CYSTM1: variants seen among roughly 807,000 people sequenced by gnomAD.
CYSTM1 encodes cysteine rich transmembrane module containing 1.
A neutral mutation model predicts 13.1 loss-of-function variants in CYSTM1; 4 were observed. That is an observed-to-expected ratio of 0.31 (90% CI 0.15 to 0.70). CYSTM1 has a LOEUF of 0.70. CYSTM1 is among the 30% of genes least tolerant of loss of function. The pLI is 0.72. For synonymous variants in CYSTM1, 36 were observed against 42.7 expected (o/e 0.84, Z 0.62); for missense variants, 96 against 121.6 (o/e 0.79, Z 0.99).
intron 1 of CYSTM1, among the ~76,000 whole-genome samples, chr5:140,177,207 G>A (rs112366189): frequency 2.0e-5 from 3 of 152,260 alleles, no homozygotes; most frequent in Non-Finnish European, 2.9e-5. Flanking sequence ...ATATGAAGAG[G>A]AATGCTTTGG....
Position 140,212,983 on chromosome 5 carries a change from G to GTGTATATATA in CYSTM1, c.187+18332_187+18333insGTATATATAT, listed in dbSNP as rs1405430820. Among the ~76,000 whole-genome samples the GTGTATATATA allele has an allele frequency of 1.3e-3, 145 of 114,300 alleles. 7 individuals are homozygous for GTGTATATATA. Among genetic ancestry groups the GTGTATATATA allele is most frequent in the African/African-American group, 3.3e-3 (108 of 32,306 alleles). The allele number at this position is 114,300 out of a possible 152,430, so 75.0% of individuals were successfully genotyped here. Reference sequence around the variant, plus strand: ...ACTCTGTCTCAAAAACAAAACAAAAGTATATATATATATATATATATATAT... The same window carrying GTGTATATATA: ...ACTCTGTCTCAAAAACAAAACAAAAGTGTATATATATATATATATATATATATATATATAT... On this transcript the variant is annotated intron_variant, in intron 2 of 2. Transcript: ENST00000261811.
chr5:140,217,847 C>T (rs1450868931), intron 2 of CYSTM1, among the ~76,000 whole-genome samples: 1 of 152,156 alleles, frequency 6.6e-6, no homozygotes, highest in African/African-American at 2.4e-5. Context: ...ATTTAGTGTG[C>T]CAGGCCTACT....
chr5:140,182,953 G>C (rs995010321), intron 1 of CYSTM1, among the ~76,000 whole-genome samples: 1 of 152,194 alleles, frequency 6.6e-6, no homozygotes, highest in African/African-American at 2.4e-5. Flanking sequence ...TGCTCCCTCA[G>C]AGGGTCAGGA....
chr5:140,226,579 CTAAA>C (rs1398428337), intron 2 of CYSTM1, among the ~76,000 whole-genome samples: 1 of 65,572 alleles, frequency 1.5e-5, no homozygotes, highest in Non-Finnish European at 3.0e-5. Flanking sequence ...ATATTATATA[CTAAA>C]TATTATATAT....
At chr5:140,188,792 A>AAG in intron 1 of CYSTM1, among the ~76,000 whole-genome samples, 1 of 152,018 alleles carries the variant, frequency 6.6e-6, no homozygotes, top group South Asian at 2.1e-4. Context: ...AAAAAAAAAA[A>AAG]AAAAGAAATA....
intron 1 of CYSTM1, among the ~76,000 whole-genome samples, chr5:140,180,570 T>C (rs1763950922): frequency 1.3e-5 from 2 of 152,352 alleles, no homozygotes; most frequent in South Asian, 4.1e-4. Flanking sequence ...CACACCATTT[T>C]GGGCACTACA....
chr5:140,187,315 A>C (rs1435729406), intron 1 of CYSTM1, among the ~76,000 whole-genome samples: 2 of 151,808 alleles, frequency 1.3e-5, no homozygotes, highest in Admixed American at 1.3e-4. Flanking sequence ...AAAAAAAAAA[A>C]AGACACCGAG....
intron 2 of CYSTM1, among the ~76,000 whole-genome samples, chr5:140,217,504 T>C (rs968570922): frequency 6.6e-6 from 1 of 152,136 alleles, no homozygotes; most frequent in Non-Finnish European, 1.5e-5. Flanking sequence ...AAGCTCCCTC[T>C]GCTTGCTTGA....
At chr5:140,192,411 T>C (rs997550969) in intron 1 of CYSTM1, among the ~76,000 whole-genome samples, 4 of 152,224 alleles carry the variant, frequency 2.6e-5, no homozygotes, top group African/African-American at 9.6e-5. Flanking sequence ...TACCTTACCT[T>C]ACCATTGGTT....
rs151095858 is a variant in CYSTM1, at chr5:140,207,166, C to T, written c.187+12514C>T. Among the ~76,000 whole-genome samples the T allele has an allele frequency of 5.9e-5, 9 of 152,222 alleles. No individual in the cohort carries two copies. In the East Asian group the frequency reaches 9.7e-4, roughly 16 times the overall value. On this transcript the variant is annotated intron_variant, in intron 2 of 2. Coordinates refer to ENST00000261811, the MANE Select transcript of CYSTM1 (RefSeq NM_032412.4). ...TTCTGACCCAGCAAGTGGGTCTGGA[C>T]ACATATATACCTTTTGCTATGAGAA...
intron 2 of CYSTM1, among the ~76,000 whole-genome samples, chr5:140,204,777 G>A (rs1764278020): frequency 6.6e-6 from 1 of 151,800 alleles, no homozygotes; most frequent in South Asian, 2.1e-4. Context: ...CTGAGCGCGT[G>A]TGTGTGTGTA....
chr5:140,240,171 C>CA (rs1764730537), intron 2 of CYSTM1, among the ~76,000 whole-genome samples: 1 of 141,034 alleles, frequency 7.1e-6, no homozygotes, highest in African/African-American at 2.7e-5. Context: ...ACCATCCCAG[C>CA]ACCCCCCCAC....
chr5:140,195,397 T>A (rs1024104794), intron 2 of CYSTM1, among the ~76,000 whole-genome samples: 2 of 151,776 alleles, frequency 1.3e-5, no homozygotes, highest in Non-Finnish European at 1.5e-5. Flanking sequence ...TTTGTAGCCC[T>A]TTGGTTGGCA....
At chr5:140,193,433 C>G (rs1048316635) in intron 1 of CYSTM1, among the ~76,000 whole-genome samples, 12 of 152,196 alleles carry the variant, frequency 7.9e-5, no homozygotes, top group African/African-American at 2.7e-4. Flanking sequence ...CAAGCACATG[C>G]CACCATGCCC....
chr5:140,238,049 G>A (rs1764704978), intron 2 of CYSTM1, among the ~76,000 whole-genome samples: 1 of 152,234 alleles, frequency 6.6e-6, no homozygotes, highest in Non-Finnish European at 1.5e-5. Flanking sequence ...TTGCAGTCAG[G>A]TGAGACACAG....
intron 2 of CYSTM1, among the ~76,000 whole-genome samples, chr5:140,226,930 G>A (rs1290096376): frequency 6.6e-6 from 1 of 151,962 alleles, no homozygotes; most frequent in African/African-American, 2.4e-5. Flanking sequence ...GTGCTGCTGA[G>A]GTCGCTGACT....
At chr5:140,225,357 T>A (rs1764536829) in intron 2 of CYSTM1, among the ~76,000 whole-genome samples, 1 of 151,990 alleles carries the variant, frequency 6.6e-6, no homozygotes, top group Non-Finnish European at 1.5e-5. Context: ...AGTACCTGGG[T>A]TGTTTAGGCC....
intron 2 of CYSTM1, among the ~76,000 whole-genome samples, chr5:140,242,648 A>G (rs943902753): frequency 6.6e-6 from 1 of 152,136 alleles, no homozygotes; most frequent in Non-Finnish European, 1.5e-5. Context: ...CTCTCGATAG[A>G]GCACTTGGCC....
intron 2 of CYSTM1, among the ~76,000 whole-genome samples, chr5:140,216,532 C>T (rs944894350): frequency 6.6e-6 from 1 of 152,096 alleles, no homozygotes; most frequent in Non-Finnish European, 1.5e-5. Context: ...GAGTAACCTG[C>T]CCTGGTTTTC....
Sources: allele counts gnomAD v4.1 joint callset (sites outside exome capture counted in the v4.1 genomes callset), GRCh38; gene constraint gnomAD v4.1.1; transcripts MANE v1.5; gene names NCBI Gene and HGNC (gene_info 2026-07-23, HGNC 2026-07-21).